The following RUNDC3B variants were observed in gnomAD, a reference collection of about 807,000 sequenced individuals.
RUNDC3B encodes RUN domain containing 3B.
Under a neutral mutation model 58.4 loss-of-function variants are expected in RUNDC3B, and 33 were observed. That is an observed-to-expected ratio of 0.56 (90% CI 0.43 to 0.75). The LOEUF is 0.75. Ranked by LOEUF, RUNDC3B falls within the 30% of genes least tolerant of loss-of-function variation. The probability of loss-of-function intolerance (pLI) is 0.00; values close to 1 mark genes in which losing one functional copy is unlikely to be tolerated. For synonymous variants in RUNDC3B, 193 were observed against 195.2 expected, an observed-to-expected ratio of 0.99 and a Z score of 0.10; for missense variants, 501 against 535.7, an observed-to-expected ratio of 0.94 and a Z score of 0.64.
At chr7:87,696,304 G>A (rs1489609935) in intron 2 of RUNDC3B, among the ~76,000 whole-genome samples, 1 of 152,050 alleles carries the variant, frequency 6.6e-6, no homozygotes, top group African/African-American at 2.4e-5. Flanking sequence ...TTGAGGAGTG[G>A]TTATTTATTA....
intron 4 of RUNDC3B, among the ~76,000 whole-genome samples, chr7:87,732,614 C>G (rs1321244825): frequency 6.6e-6 from 1 of 152,178 alleles, no homozygotes; most frequent in Non-Finnish European, 1.5e-5. Flanking sequence ...ATAACAGACA[C>G]ACACAAGATA....
intron 4 of RUNDC3B, among the ~76,000 whole-genome samples, chr7:87,725,177 G>C (rs1831144032): frequency 6.6e-6 from 1 of 152,056 alleles, no homozygotes; most frequent in Non-Finnish European, 1.5e-5. Context: ...TGGCATGTTG[G>C]TGTGCTGCAC....
At chr7:87,633,862 G>A (rs749779846) in intron 1 of RUNDC3B, among the ~76,000 whole-genome samples, 65 of 152,150 alleles carry the variant, frequency 4.3e-4, no homozygotes, top group South Asian at 8.3e-4. Flanking sequence ...ATCCTGTTTT[G>A]TGTTGCTATA....
intron 2 of RUNDC3B, among the ~76,000 whole-genome samples, chr7:87,694,670 T>C (rs1459328168): frequency 1.3e-5 from 2 of 152,182 alleles, no homozygotes; most frequent in East Asian, 1.9e-4. Flanking sequence ...TACGCATTTA[T>C]GTGTAGCTCT....
chr7:87,822,029 A>G (rs1408879144), intron 10 of RUNDC3B, among the ~76,000 whole-genome samples: 1 of 151,778 alleles, frequency 6.6e-6, no homozygotes, highest in Non-Finnish European at 1.5e-5. Context: ...ACAAAAGCCA[A>G]AATTGACAAA....
At chr7:87,715,911 T>G (rs1830528512) in intron 4 of RUNDC3B, among the ~76,000 whole-genome samples, 2 of 151,764 alleles carry the variant, frequency 1.3e-5, no homozygotes, top group African/African-American at 4.8e-5. Flanking sequence ...GGAAGGAAAG[T>G]CACTGACAAG....
At chr7:87,824,095 C>T (rs1837658648) in intron 10 of RUNDC3B, among the ~76,000 whole-genome samples, 1 of 152,044 alleles carries the variant, frequency 6.6e-6, no homozygotes, top group African/African-American at 2.4e-5. Context: ...TTTGGGGGTA[C>T]ATGTGATAAT....
At chr7:87,697,506 G>A (rs1189159369) in intron 2 of RUNDC3B, among the ~76,000 whole-genome samples, 1 of 152,206 alleles carries the variant, frequency 6.6e-6, no homozygotes, top group Non-Finnish European at 1.5e-5. Context: ...GATGATGGGA[G>A]TAAAGTTGGA....
chr7:87,678,636 C>T (rs984247320), intron 2 of RUNDC3B, among the ~76,000 whole-genome samples: 6 of 151,868 alleles, frequency 4.0e-5, no homozygotes, highest in African/African-American at 1.5e-4. Flanking sequence ...CTAAGCACTC[C>T]AATTAAAAGA....
intron 6 of RUNDC3B, among the ~76,000 whole-genome samples, chr7:87,748,626 C>A (rs1167110774): frequency 1.3e-5 from 2 of 152,062 alleles, no homozygotes; most frequent in East Asian, 3.8e-4. Context: ...ATTCAAAATG[C>A]ATTTATTGAG....
At chr7:87,735,103 T>G (rs954154959) in intron 4 of RUNDC3B, among the ~76,000 whole-genome samples, 2 of 152,086 alleles carry the variant, frequency 1.3e-5, no homozygotes, top group African/African-American at 2.4e-5. Flanking sequence ...GATATACTAA[T>G]TTTTTTTCCC....
At chr7:87,725,723 C>T (rs1563165062) in intron 4 of RUNDC3B, among the ~76,000 whole-genome samples, 1 of 152,134 alleles carries the variant, frequency 6.6e-6, no homozygotes, top group Admixed American at 6.5e-5. Flanking sequence ...TAAAAGTGTT[C>T]CTATTTCTCC....
chr7:87,806,218 A>G (rs1299135693), intron 8 of RUNDC3B, among the ~76,000 whole-genome samples: 1 of 152,188 alleles, frequency 6.6e-6, no homozygotes, highest in African/African-American at 2.4e-5. Context: ...GATACCCCAT[A>G]AAATCAGAAA....
At chr7:87,756,353 A>G (rs977095766) in intron 6 of RUNDC3B, among the ~76,000 whole-genome samples, 1 of 151,968 alleles carries the variant, frequency 6.6e-6, no homozygotes, top group Non-Finnish European at 1.5e-5. Flanking sequence ...TAATTTTGGA[A>G]AAAAGGCCAA....
intron 10 of RUNDC3B, among the ~76,000 whole-genome samples, chr7:87,818,090 A>G (rs1014562513): frequency 6.6e-6 from 1 of 152,136 alleles, no homozygotes; most frequent in Non-Finnish European, 1.5e-5. Flanking sequence ...CACTGTCATA[A>G]TCCATAATGA....
intron 2 of RUNDC3B, among the ~76,000 whole-genome samples, chr7:87,669,770 TTTTC>T (rs1218457055): frequency 6.6e-6 from 1 of 152,222 alleles, no homozygotes; most frequent in African/African-American, 2.4e-5. Flanking sequence ...TTGAAGATTT[TTTTC>T]TTTAAGAATG....
chr7:87,812,875 A>C (rs986571807), intron 9 of RUNDC3B, among the ~76,000 whole-genome samples: 1 of 152,332 alleles, frequency 6.6e-6, no homozygotes, highest in Non-Finnish European at 1.5e-5. Context: ...TTATAAAGAC[A>C]GAACTCTTAT....
chr7:87,685,124 T>G (rs976351290), intron 2 of RUNDC3B, among the ~76,000 whole-genome samples: 1 of 152,178 alleles, frequency 6.6e-6, no homozygotes, highest in African/African-American at 2.4e-5. Flanking sequence ...TTTTACTCCC[T>G]GAAAGACACT....
chr7:87,667,328 A>G (rs1279049522), intron 2 of RUNDC3B, among the ~76,000 whole-genome samples: 1 of 151,004 alleles, frequency 6.6e-6, no homozygotes, highest in African/African-American at 2.4e-5. Context: ...ATTTTTGTAC[A>G]TTGATTTTGT....
Sources: allele counts gnomAD v4.1 joint callset (sites outside exome capture counted in the v4.1 genomes callset), GRCh38; gene constraint gnomAD v4.1.1; transcripts MANE v1.5; gene names NCBI Gene and HGNC (gene_info 2026-07-23, HGNC 2026-07-21).